PHF21A: variants seen among roughly 807,000 people sequenced by gnomAD.
PHF21A encodes the protein BHC80a.
A neutral mutation model predicts 82.5 loss-of-function variants in PHF21A; 11 were observed. The ratio of observed to expected loss-of-function variants is 0.13; its 90% CI spans 0.08 to 0.22. PHF21A has a LOEUF of 0.22. Ranked by LOEUF, PHF21A falls within the 10% of genes least tolerant of loss-of-function variation. The probability of loss-of-function intolerance (pLI) is 1.00; values close to 1 mark genes in which losing one functional copy is unlikely to be tolerated. For synonymous variants in PHF21A, 297 were observed against 302.8 expected, an observed-to-expected ratio of 0.98 and a Z score of 0.20; for missense variants, 579 against 837.8, an observed-to-expected ratio of 0.69 and a Z score of 3.81.
At chr11:46,095,550 C>T (rs1381662062) in intron 1 of PHF21A, among the ~76,000 whole-genome samples, 2 of 151,960 alleles carry the variant, frequency 1.3e-5, no homozygotes, top group African/African-American at 2.4e-5. Context: ...TTTTTGCAAA[C>T]GGAAGATTGT....
At chr11:46,075,612 C>T (rs1182448493) in intron 6 of PHF21A, among the ~76,000 whole-genome samples, 1 of 152,104 alleles carries the variant, frequency 6.6e-6, no homozygotes, top group Admixed American at 6.6e-5. Flanking sequence ...TTGGCAATTC[C>T]CTAATCTAAA....
chr11:46,084,341 G>A (rs1023211526), intron 3 of PHF21A, 39 bp from the exon 4 acceptor site: 1 of 634,958 alleles, frequency 1.6e-6, no homozygotes, highest in South Asian at 2.1e-5. Context: ...ATTACATTTG[G>A]AATAAATATA....
intron 17 of PHF21A, among the ~76,000 whole-genome samples, chr11:45,936,038 G>T (rs761565197): frequency 2.6e-5 from 4 of 152,158 alleles, no homozygotes; most frequent in Admixed American, 6.5e-5. Context: ...AGGACTTTGG[G>T]AGGCCAAGGC....
In PHF21A at chr11:45,997,781, T is replaced by G. The variant is rs2094960067; in HGVS notation, c.154-17815A>C. Among the ~76,000 whole-genome samples, 3 of 152,234 alleles carry G rather than the reference T, an allele frequency of 2.0e-5. 1 individual carries two copies. In the South Asian group the frequency reaches 6.2e-4, roughly 31 times the overall value. ...GCTTGTCTCACGGTGCAAATCAACC[T>G]GCTGCTGGGCAGACCTGCCTCATGC... On this transcript the variant is annotated intron_variant, in intron 6 of 18. Coordinates refer to ENST00000676320, the MANE Select transcript of PHF21A (RefSeq NM_001352027.3).
intron 1 of PHF21A, among the ~76,000 whole-genome samples, chr11:46,108,047 T>TATTAC (rs556145477): frequency 1.1e-3 from 166 of 152,300 alleles, no homozygotes; most frequent in Non-Finnish European, 1.8e-3. Context: ...TTAATTAAAA[T>TATTAC]ATTACATGTA....
chr11:46,049,548 C>T (rs759427728), intron 6 of PHF21A: 48 of 453,108 alleles, frequency 1.1e-4, no homozygotes, highest in Non-Finnish European at 1.8e-4. Context: ...GAGGGTGTGG[C>T]GGGGGAAGGA....
At chr11:45,990,185 C>G (rs1049395895) in intron 6 of PHF21A, among the ~76,000 whole-genome samples, 1 of 151,858 alleles carries the variant, frequency 6.6e-6, no homozygotes, top group Non-Finnish European at 1.5e-5. Flanking sequence ...CATACACACA[C>G]CCCTCTCACA....
intron 7 of PHF21A, among the ~76,000 whole-genome samples, chr11:45,977,045 C>T (rs2860433): frequency 0.88 from 133,798 of 152,088 alleles, 59,069 homozygotes; most frequent in East Asian, 1. Flanking sequence ...GTTTTGGAGG[C>T]AGCCCTGGGC....
At chr11:46,108,905 T>C (rs999708441) in intron 1 of PHF21A, among the ~76,000 whole-genome samples, 1 of 152,202 alleles carries the variant, frequency 6.6e-6, no homozygotes, top group Non-Finnish European at 1.5e-5. Flanking sequence ...CTACGCACTA[T>C]GCTTGGCAAT....
rs181949950 is a variant in PHF21A at position 46,047,397 on chromosome 11, A to G, written c.153+29357T>C. Among the ~76,000 whole-genome samples, 11 of 152,252 alleles carry G rather than the reference A, an allele frequency of 7.2e-5. 1 individual carries two copies. Among genetic ancestry groups the G allele is most frequent in the Admixed American group, 5.2e-4 (8 of 15,290 alleles). On this transcript the variant is annotated intron_variant, in intron 6 of 18. Transcript: ENST00000676320. Reference sequence around the variant, plus strand: ...TTTTTATAGGCTGGTAAGGTATTTTATAATTTTTTTTTATTAGTTAGTCCT... The same window carrying G: ...TTTTTATAGGCTGGTAAGGTATTTTGTAATTTTTTTTTATTAGTTAGTCCT...
At chr11:45,974,233 A>G (rs948922728) in intron 7 of PHF21A, among the ~76,000 whole-genome samples, 2 of 152,114 alleles carry the variant, frequency 1.3e-5, no homozygotes, top group African/African-American at 2.4e-5. Context: ...AGACCCAGGT[A>G]GTGCTTAGAT....
intron 6 of PHF21A, among the ~76,000 whole-genome samples, chr11:46,073,463 A>C (rs368850022): frequency 1.3e-5 from 2 of 152,324 alleles, no homozygotes; most frequent in Admixed American, 6.5e-5. Context: ...AAATTTTTTA[A>C]ATCTTATTTC....
chr11:45,997,816 A>T (rs2094961416), intron 6 of PHF21A, among the ~76,000 whole-genome samples: 1 of 152,146 alleles, frequency 6.6e-6, no homozygotes, highest in South Asian at 2.1e-4. Context: ...CTGCAAACTC[A>T]TTCTGCAATT....
At chr11:46,037,008 G>T (rs2096018589) in intron 6 of PHF21A, among the ~76,000 whole-genome samples, 1 of 152,054 alleles carries the variant, frequency 6.6e-6, no homozygotes, top group Non-Finnish European at 1.5e-5. Flanking sequence ...ACTGCACCTG[G>T]CCAGTATTTT....
chr11:45,960,048 G>A (rs1204764698), intron 10 of PHF21A, among the ~76,000 whole-genome samples: 3 of 152,190 alleles, frequency 2.0e-5, no homozygotes, highest in African/African-American at 7.2e-5. Context: ...GTAAGGATGC[G>A]GAGACAATGG....
At position 45,944,588 on chromosome 11, in the gene PHF21A, C is replaced by G. The variant is rs1202635764; in HGVS notation, c.1452+1252G>C. On this transcript the variant is annotated intron_variant, in intron 15 of 18. Coordinates refer to ENST00000676320, the MANE Select transcript of PHF21A (RefSeq NM_001352027.3). ...ACCACCCTGGCCAGCTTGCTCTGCCCCCGCTATCCTGGCCCTCTTGCTTTT... is the reference window on the plus strand; with the variant it reads ...ACCACCCTGGCCAGCTTGCTCTGCCGCCGCTATCCTGGCCCTCTTGCTTTT... Among the ~76,000 whole-genome samples, 3 of 152,320 alleles carry G rather than the reference C, an allele frequency of 2.0e-5. No individual in the cohort carries two copies. The East Asian group carries it at 5.8e-4, about 29-fold the overall frequency.
intron 1 of PHF21A, among the ~76,000 whole-genome samples, chr11:46,102,268 T>C (rs1229735778): frequency 6.6e-6 from 1 of 152,246 alleles, no homozygotes; most frequent in East Asian, 1.9e-4. Flanking sequence ...TGATTTTAAA[T>C]CCAGCAGAGA....
chr11:46,049,754 A>G (rs1028652206), intron 6 of PHF21A, among the ~76,000 whole-genome samples: 2 of 152,222 alleles, frequency 1.3e-5, no homozygotes, highest in African/African-American at 2.4e-5. Flanking sequence ...TGCCAATTGC[A>G]TACAAGAAAG....
At chr11:46,111,363 G>A (rs534928921) in intron 1 of PHF21A, among the ~76,000 whole-genome samples, 6 of 151,760 alleles carry the variant, frequency 4.0e-5, no homozygotes, top group Admixed American at 1.3e-4. Flanking sequence ...CCAGCTGCTC[G>A]AGAGGCTGAG....
Sources: allele counts gnomAD v4.1 joint callset (sites outside exome capture counted in the v4.1 genomes callset), GRCh38; gene constraint gnomAD v4.1.1; transcripts MANE v1.5; gene names NCBI Gene and HGNC (gene_info 2026-07-23, HGNC 2026-07-21).